The following HMBOX1 variants were observed in gnomAD, a reference collection of about 807,000 sequenced individuals.
HMBOX1 encodes homeobox-containing protein 1.
In HMBOX1, 14 loss-of-function variants were observed where a neutral mutation model predicts 54.5. That is an observed-to-expected ratio of 0.26 (90% confidence interval 0.17 to 0.40). The LOEUF is 0.40. Among genes scored for constraint, HMBOX1 ranks in the 10% least tolerant of loss-of-function variants. The pLI is 1.00. For missense variants in HMBOX1, 332 were observed against 514.4 expected (o/e 0.65, Z 3.43); for synonymous variants, 160 against 181.0 (o/e 0.88, Z 0.93).
rs1806022351 is a variant in HMBOX1, at chr8:29,048,980, A to G, written c.1057A>G (p.Ile353Val). 1.4e-5 allele frequency: 23 copies of G among 1,613,336 alleles called. No individual in the cohort carries two copies. Among genetic ancestry groups the G allele is most frequent in the Non-Finnish European group, 1.9e-5 (23 of 1,179,560 alleles). Residue 353 changes from isoleucine to valine, a missense_variant, in exon 9 of 10, where the codon ATA becomes GTA. Transcript: ENST00000287701. ...AGCAGCAATCCTGGAGAGTCATGGG[A>G]TAGATGTGCAGAGTCCAGGAGGCCA... ...IEAAILESHG[I>V]DVQSPGGHSN...
intron 4 of HMBOX1, among the ~76,000 whole-genome samples, chr8:28,990,627 A>T (rs138700975): frequency 1.1e-4 from 16 of 151,404 alleles, no homozygotes; most frequent in Non-Finnish European, 1.9e-4. Context: ...TGTTCTTTCT[A>T]TTTTTTTGTT....
At chr8:28,941,111 C>T (rs17059561) in intron 1 of HMBOX1, among the ~76,000 whole-genome samples, 12,379 of 152,118 alleles carry the variant, frequency 0.081, 654 homozygotes, top group South Asian at 0.24. Context: ...TAAGCCTAGT[C>T]CTCATATTTT....
At chr8:28,999,974 A>G (rs1273571865) in intron 4 of HMBOX1, among the ~76,000 whole-genome samples, 1 of 152,140 alleles carries the variant, frequency 6.6e-6, no homozygotes, top group Non-Finnish European at 1.5e-5. Flanking sequence ...TTGTTTTAAA[A>G]CCTGGAAATT....
At chr8:29,015,532 C>T (rs1427671282) in intron 5 of HMBOX1, among the ~76,000 whole-genome samples, 2 of 152,194 alleles carry the variant, frequency 1.3e-5, no homozygotes, top group Admixed American at 6.5e-5. Context: ...TCTTGCTGTG[C>T]TGTAATCCCT....
intron 2 of HMBOX1, among the ~76,000 whole-genome samples, chr8:28,969,251 T>C (rs1826980191): frequency 6.6e-6 from 1 of 152,200 alleles, no homozygotes; most frequent in Non-Finnish European, 1.5e-5. Context: ...CCCTTAATAT[T>C]GTTACTCACC....
intron 4 of HMBOX1, among the ~76,000 whole-genome samples, chr8:28,991,078 T>G (rs937877255): frequency 1.3e-5 from 2 of 152,228 alleles, no homozygotes; most frequent in African/African-American, 2.4e-5. Context: ...ATTGGTATTA[T>G]TTCTTTCTTA....
chr8:28,964,026 T>C, intron 2 of HMBOX1, 136 bp downstream of exon 2: 2 of 607,794 alleles, frequency 3.3e-6, no homozygotes, highest in Non-Finnish European at 5.9e-6. Context: ...GAATCAAATG[T>C]TATACCTATT....
intron 7 of HMBOX1, chr8:29,046,553 A>G (rs1805585981): frequency 6.6e-6 from 1 of 152,258 alleles, no homozygotes; most frequent in Admixed American, 6.5e-5. Flanking sequence ...AGTTACAGTA[A>G]TGGATAGTCA....
At chr8:28,928,528 C>T (rs1415850219) in intron 1 of HMBOX1, among the ~76,000 whole-genome samples, 2 of 152,090 alleles carry the variant, frequency 1.3e-5, no homozygotes, top group Non-Finnish European at 2.9e-5. Context: ...GTTATATATC[C>T]AGAGGAAATA....
chr8:28,960,966 T>G (rs974354536), intron 1 of HMBOX1, among the ~76,000 whole-genome samples: 1 of 151,710 alleles, frequency 6.6e-6, no homozygotes, highest in South Asian at 2.1e-4. Context: ...TTTGTGTTTT[T>G]GGTAGAGACG....
At chr8:28,918,411 G>A (rs893528813) in intron 1 of HMBOX1, among the ~76,000 whole-genome samples, 1 of 151,474 alleles carries the variant, frequency 6.6e-6, no homozygotes, top group African/African-American at 2.4e-5. Context: ...CACCGTGTTA[G>A]CCAGGATGGT....
intron 6 of HMBOX1, among the ~76,000 whole-genome samples, chr8:29,024,304 T>C (rs1389287371): frequency 1.3e-5 from 2 of 152,236 alleles, no homozygotes; most frequent in East Asian, 3.9e-4. Context: ...TTAGAGAATC[T>C]GAGAAAAGGC....
At chr8:28,956,254 T>C (rs1347767814) in intron 1 of HMBOX1, among the ~76,000 whole-genome samples, 1 of 152,084 alleles carries the variant, frequency 6.6e-6, no homozygotes, top group African/African-American at 2.4e-5. Context: ...ATTTTTTGAA[T>C]AAACTTGATA....
intron 1 of HMBOX1, among the ~76,000 whole-genome samples, chr8:28,958,714 A>G (rs1824924169): frequency 6.6e-6 from 1 of 152,136 alleles, no homozygotes; most frequent in African/African-American, 2.4e-5. Flanking sequence ...TCTTAATTTT[A>G]TTTGAAATGC....
At chr8:28,897,239 T>C (rs1481808906) in intron 1 of HMBOX1, among the ~76,000 whole-genome samples, 2 of 151,154 alleles carry the variant, frequency 1.3e-5, no homozygotes, top group Non-Finnish European at 2.9e-5. Flanking sequence ...CGCCTTGGCC[T>C]CCCAAAGTGC....
chr8:28,993,397 G>A (rs549000430), intron 4 of HMBOX1, among the ~76,000 whole-genome samples: 1 of 152,096 alleles, frequency 6.6e-6, no homozygotes, highest in Non-Finnish European at 1.5e-5. Context: ...TGTCTAGAAT[G>A]ATGACAGTAC....
chr8:28,976,848 A>G (rs1321898196), intron 3 of HMBOX1, among the ~76,000 whole-genome samples: 1 of 151,542 alleles, frequency 6.6e-6, no homozygotes, highest in African/African-American at 2.4e-5. Context: ...CTGGGATTAC[A>G]GGGGCATGCC....
intron 1 of HMBOX1, among the ~76,000 whole-genome samples, chr8:28,960,653 T>C (rs1825301987): frequency 6.6e-6 from 1 of 151,612 alleles, no homozygotes; most frequent in South Asian, 2.1e-4. Context: ...GTTATGATTT[T>C]TGCTTTATTA....
intron 5 of HMBOX1, among the ~76,000 whole-genome samples, chr8:29,016,680 A>G (rs1006611735): frequency 3.3e-5 from 5 of 151,852 alleles, no homozygotes; most frequent in African/African-American, 1.2e-4. Context: ...CCACTTGGAA[A>G]CTCACTCATG....
Sources: gnomAD v4.1 joint callset for allele counts (sites outside exome capture counted in the v4.1 genomes callset) on GRCh38, gnomAD v4.1.1 for gene constraint, MANE v1.5 for transcripts, NCBI Gene and HGNC (gene_info 2026-07-23, HGNC 2026-07-21) for gene names.